CNTNAP4: variants seen among roughly 807,000 people sequenced by gnomAD.
The protein encoded by CNTNAP4 is contactin-associated protein-like 4.
Under a neutral mutation model 148.4 loss-of-function variants are expected in CNTNAP4, and 98 were observed. The ratio of observed to expected loss-of-function variants is 0.66; its 90% CI spans 0.56 to 0.78. CNTNAP4 has a LOEUF of 0.78. Among genes scored for constraint, CNTNAP4 ranks in the 30% least tolerant of loss-of-function variants. The pLI is 0.00. For missense variants in CNTNAP4, 1,935 were observed against 1,565.6 expected (o/e 1.24, Z -3.98); for synonymous variants, 730 against 565.1 (o/e 1.29, Z -4.14).
intron 21 of CNTNAP4, among the ~76,000 whole-genome samples, chr16:76,547,900 T>A (rs972420324): frequency 1.6e-4 from 24 of 152,174 alleles, no homozygotes; most frequent in Admixed American, 1.2e-3. Context: ...ATATTTTAAG[T>A]AAAACCAGCT....
chr16:76,502,793 T>G (rs575987795), intron 15 of CNTNAP4, among the ~76,000 whole-genome samples: 1 of 151,952 alleles, frequency 6.6e-6, no homozygotes, highest in Non-Finnish European at 1.5e-5. Flanking sequence ...GACAGGAGAT[T>G]AACACTTTTT....
intron 1 of CNTNAP4, among the ~76,000 whole-genome samples, chr16:76,299,910 C>A (rs1959762094): frequency 6.6e-6 from 1 of 152,096 alleles, no homozygotes; most frequent in Non-Finnish European, 1.5e-5. Flanking sequence ...AAACCAAACA[C>A]CTCATGTTCT....
chr16:76,521,243 A>G lies in CNTNAP4; in HGVS notation c.2469A>G (p.Thr823=), dbSNP rs768794858. The change falls in exon 16 of 24, where the codon ACA becomes ACG. Residue 823 remains threonine, a synonymous_variant. Coordinates refer to ENST00000611870, the MANE Select transcript of CNTNAP4 (RefSeq NM_033401.5). Reference sequence around the variant, plus strand: ...CGGATGTATCTTTCTTTTTTAAGACAACAGCTTCATCTGGGGTATTTTTAG... The same window carrying G: ...CGGATGTATCTTTCTTTTTTAAGACGACAGCTTCATCTGGGGTATTTTTAG... ...LSADVSFFFK[T]TASSGVFLEN... is the part of the protein sequence containing the mutation. 3.7e-6 allele frequency: 6 copies of G among 1,612,950 alleles called. No homozygotes were observed. The South Asian group carries it at 6.6e-5, about 18-fold the overall frequency.
chr16:76,344,869 G>T (rs927442158), intron 2 of CNTNAP4, among the ~76,000 whole-genome samples: 1 of 152,144 alleles, frequency 6.6e-6, no homozygotes, highest in Non-Finnish European at 1.5e-5. Flanking sequence ...ATGGCAGTGG[G>T]TATATAATGT....
intron 3 of CNTNAP4, among the ~76,000 whole-genome samples, chr16:76,361,090 TG>T (rs932206397): frequency 6.6e-6 from 1 of 152,064 alleles, no homozygotes; most frequent in African/African-American, 2.4e-5. Context: ...CCCAAAGTGC[TG>T]GGATTACAGG....
intron 16 of CNTNAP4, 60 bp downstream of exon 16, chr16:76,521,370 A>T: frequency 7.1e-7 from 1 of 1,406,466 alleles, no homozygotes; most frequent in Non-Finnish European, 9.6e-7. Context: ...AAATCTTTTA[A>T]CTAATTTTTA....
intron 10 of CNTNAP4, among the ~76,000 whole-genome samples, chr16:76,468,272 G>C (rs370404771): frequency 1.3e-5 from 2 of 151,934 alleles, no homozygotes; most frequent in African/African-American, 4.8e-5. Flanking sequence ...TCAGGAGTTC[G>C]AGACCAACCT....
chr16:76,299,660 A>G (rs565930620), intron 1 of CNTNAP4, among the ~76,000 whole-genome samples: 1 of 152,156 alleles, frequency 6.6e-6, no homozygotes, highest in Non-Finnish European at 1.5e-5. Flanking sequence ...TACCCAAAGG[A>G]TTATAAATCA....
In CNTNAP4 at chr16:76,449,876, A is replaced by C; in HGVS notation, c.1071+18A>C. 6.3e-7 allele frequency: 1 copy of C among 1,583,786 alleles called. No homozygotes were observed. The highest frequency in any genetic ancestry group is 1.4e-5 in the African/African-American group (1 of 73,748). ...TTGCTATGGTGAGAGTCTTTATGCGAAGACATTAGTAAAACTATATTTCTT... is the reference window on the plus strand; with the variant it reads ...TTGCTATGGTGAGAGTCTTTATGCGCAGACATTAGTAAAACTATATTTCTT... On this transcript the variant is annotated intron_variant, in intron 7 of 23. Transcript: ENST00000611870.
chr16:76,411,672 A>G (rs951337803), intron 3 of CNTNAP4, among the ~76,000 whole-genome samples: 1 of 151,450 alleles, frequency 6.6e-6, no homozygotes, highest in Non-Finnish European at 1.5e-5. Context: ...AGGTATTCTT[A>G]AAAAAATCTT....
intron 3 of CNTNAP4, among the ~76,000 whole-genome samples, chr16:76,395,667 T>A (rs747811052): frequency 2.0e-5 from 3 of 152,134 alleles, no homozygotes; most frequent in Non-Finnish European, 4.4e-5. Context: ...ATTAGGCAGT[T>A]CTATTTTGGT....
intron 2 of CNTNAP4, among the ~76,000 whole-genome samples, chr16:76,329,328 TC>T (rs1400714246): frequency 2.0e-5 from 3 of 152,230 alleles, no homozygotes; most frequent in Non-Finnish European, 4.4e-5. Flanking sequence ...TCTCTGGTTT[TC>T]CCATTTAATT....
At chr16:76,532,255 A>C (rs1251664397) in intron 17 of CNTNAP4, among the ~76,000 whole-genome samples, 1 of 152,226 alleles carries the variant, frequency 6.6e-6, no homozygotes, top group Non-Finnish European at 1.5e-5. Flanking sequence ...AGTGGTGTGA[A>C]GTGCAAAGAA....
chr16:76,501,985 C>T (rs1036342233), intron 15 of CNTNAP4, among the ~76,000 whole-genome samples: 1 of 151,166 alleles, frequency 6.6e-6, no homozygotes, highest in African/African-American at 2.4e-5. Flanking sequence ...AGGAGAATGG[C>T]GTGAACCTGG....
At chr16:76,435,898 T>C (rs2079806048) in intron 4 of CNTNAP4, among the ~76,000 whole-genome samples, 1 of 152,118 alleles carries the variant, frequency 6.6e-6, no homozygotes, top group Non-Finnish European at 1.5e-5. Context: ...TAATTCTATG[T>C]TTCTTCCACC....
intron 1 of CNTNAP4, among the ~76,000 whole-genome samples, chr16:76,313,766 T>G (rs998062941): frequency 2.0e-5 from 3 of 152,210 alleles, no homozygotes; most frequent in Non-Finnish European, 4.4e-5. Context: ...TATAATAAAC[T>G]TAATAAAATT....
chr16:76,320,345 G>A (rs183719933), intron 2 of CNTNAP4, among the ~76,000 whole-genome samples: 5 of 152,278 alleles, frequency 3.3e-5, no homozygotes, highest in South Asian at 2.1e-4. Flanking sequence ...ATGTGTGAGG[G>A]AAGAAATACA....
chr16:76,439,994 G>A (rs941598902), intron 4 of CNTNAP4, among the ~76,000 whole-genome samples: 5 of 151,694 alleles, frequency 3.3e-5, no homozygotes, highest in South Asian at 4.2e-4. Context: ...GTTAAACAGC[G>A]ACTCAGTCTG....
chr16:76,482,623 T>A (rs2081877515), intron 12 of CNTNAP4, among the ~76,000 whole-genome samples: 1 of 152,084 alleles, frequency 6.6e-6, no homozygotes, highest in South Asian at 2.1e-4. Context: ...TCTTCAAAGG[T>A]TTTTCATTTA....
Sources: gnomAD v4.1 joint callset for allele counts (sites outside exome capture counted in the v4.1 genomes callset) on GRCh38, gnomAD v4.1.1 for gene constraint, MANE v1.5 for transcripts, NCBI Gene and HGNC (gene_info 2026-07-23, HGNC 2026-07-21) for gene names.